The following ITGBL1 variants were observed in gnomAD, a reference collection of about 807,000 sequenced individuals.
The protein encoded by ITGBL1 is integrin subunit beta like 1, also known as integrin beta-like protein 1.
Under a neutral mutation model 68.5 loss-of-function variants are expected in ITGBL1, and 51 were observed. The observed-to-expected ratio is 0.74, with a 90% CI of 0.59 to 0.94. ITGBL1 has a LOEUF of 0.94. Ranked by LOEUF, ITGBL1 falls within the 40% of genes least tolerant of loss-of-function variation. The pLI is 0.00. For missense variants in ITGBL1, 649 were observed against 647.4 expected (o/e 1.00, Z -0.03); for synonymous variants, 209 against 227.3 (o/e 0.92, Z 0.72).
chr13:101,580,574 T>A (rs1026836851), intron 5 of ITGBL1, among the ~76,000 whole-genome samples: 9 of 152,188 alleles, frequency 5.9e-5, no homozygotes, highest in African/African-American at 2.2e-4. Flanking sequence ...TATCTCCTAA[T>A]GCTTCCCCTC....
chr13:101,508,620 T>G (rs2049063517), intron 2 of ITGBL1, among the ~76,000 whole-genome samples: 2 of 152,108 alleles, frequency 1.3e-5, no homozygotes, highest in Admixed American at 1.3e-4. Flanking sequence ...AATATTAAGT[T>G]TTATTATATT....
chr13:101,626,117 A>T (rs564173409), intron 7 of ITGBL1, among the ~76,000 whole-genome samples: 1 of 152,308 alleles, frequency 6.6e-6, no homozygotes, highest in Non-Finnish European at 1.5e-5. Context: ...TAACGGTATC[A>T]GCATCAAATT....
At chr13:101,530,173 G>A (rs185891034) in intron 2 of ITGBL1, among the ~76,000 whole-genome samples, 3 of 152,010 alleles carry the variant, frequency 2.0e-5, no homozygotes, top group Non-Finnish European at 2.9e-5. Context: ...ACTTTAGTAC[G>A]AAGACTAGAA....
rs1278931090 is a variant in ITGBL1, at chr13:101,677,592, ACC to A, written c.1016-14992_1016-14991del. ...TCAGACTCCAGAGCACAAACGACCA[ACC>A]TTTATGAAATATGAACTTCCTGGCT... On this transcript the variant is annotated intron_variant, in intron 7 of 10. Coordinates refer to ENST00000376180, the MANE Select transcript of ITGBL1 (RefSeq NM_004791.3). 1.2e-4 allele frequency among the ~76,000 whole-genome samples: 18 copies of A among 152,282 alleles called. No individual in the cohort carries two copies. The East Asian group carries it at 3.3e-3, about 28-fold the overall frequency.
At chr13:101,456,378 G>A (rs990063448) in intron 2 of ITGBL1, among the ~76,000 whole-genome samples, 10 of 152,174 alleles carry the variant, frequency 6.6e-5, no homozygotes, top group African/African-American at 2.2e-4. Flanking sequence ...TTGCGAGCCC[G>A]TCGATGTATT....
intron 2 of ITGBL1, among the ~76,000 whole-genome samples, chr13:101,564,997 G>A (rs1048621075): frequency 6.6e-6 from 1 of 151,936 alleles, no homozygotes; most frequent in Admixed American, 6.6e-5. Context: ...GCAACCACCA[G>A]CAACTGAGAG....
intron 2 of ITGBL1, among the ~76,000 whole-genome samples, chr13:101,544,120 A>G (rs1233294166): frequency 6.6e-6 from 1 of 151,982 alleles, no homozygotes; most frequent in Non-Finnish European, 1.5e-5. Flanking sequence ...TTGGAGGAGG[A>G]GAGGTGCTCT....
chr13:101,706,814 C>T lies in ITGBL1; in HGVS notation c.1191C>T (p.Leu397=), dbSNP rs780346501. Residue 397 remains leucine, a synonymous_variant, in exon 9 of 11, where the codon CTC becomes CTT. Transcript: ENST00000376180. ...CVCERGWFGK[L]CQHPRKCNMT... Reference sequence around the variant, plus strand: ...GTGAGAGAGGATGGTTTGGAAAGCTCTGCCAACATCCGCGGAAGTGTAACA... The same window carrying T: ...GTGAGAGAGGATGGTTTGGAAAGCTTTGCCAACATCCGCGGAAGTGTAACA... 1 of 1,614,178 alleles carries T rather than the reference C, an allele frequency of 6.2e-7. No individual in the cohort carries two copies. The highest frequency in any genetic ancestry group is 1.1e-5 in the South Asian group (1 of 91,080).
At chr13:101,617,985 A>G (rs2031433367) in intron 7 of ITGBL1, among the ~76,000 whole-genome samples, 1 of 152,134 alleles carries the variant, frequency 6.6e-6, no homozygotes, top group African/African-American at 2.4e-5. Flanking sequence ...CATGTACTTA[A>G]TCATTCACTC....
Position 101,605,335 on chromosome 13 carries a change from TATAC to T in ITGBL1, c.1015+7038_1015+7041del, listed in dbSNP as rs1346097372. Among the ~76,000 whole-genome samples, 69 of 150,892 alleles carry T rather than the reference TATAC, an allele frequency of 4.6e-4. 2 individuals are homozygous for T. Among genetic ancestry groups the T allele is most frequent in the Non-Finnish European group, 8.0e-4 (54 of 67,556 alleles). On this transcript the variant is annotated intron_variant, in intron 7 of 10. Transcript: ENST00000376180. ...GTATATATGCATATGCGTATATATA[TATAC>T]ACATATCTAGACATGTATGTGTGCA...
intron 10 of ITGBL1, chr13:101,715,211 C>T: frequency 5.0e-6 from 1 of 200,730 alleles, no homozygotes. Flanking sequence ...ACTTGGCCTG[C>T]CTCATGTTAT....
At chr13:101,464,739 T>C (rs1169794497) in intron 2 of ITGBL1, among the ~76,000 whole-genome samples, 3 of 152,138 alleles carry the variant, frequency 2.0e-5, no homozygotes, top group Non-Finnish European at 4.4e-5. Context: ...GCCATACATA[T>C]GTGAATATGT....
At chr13:101,613,958 G>A (rs2031244368) in intron 7 of ITGBL1, among the ~76,000 whole-genome samples, 1 of 149,644 alleles carries the variant, frequency 6.7e-6, no homozygotes, top group African/African-American at 2.5e-5. Flanking sequence ...GCTTTAGGGA[G>A]TGCTTAAAAG....
At chr13:101,719,353 C>T (rs990679523), downstream of ITGBL1, 9 of 152,086 alleles carry the variant, frequency 5.9e-5, no homozygotes, top group South Asian at 2.1e-4. Context: ...AGAACTGGAG[C>T]GGGAGTCCTT....
At chr13:101,579,556 A>ATGG in intron 5 of ITGBL1, 129 bp downstream of exon 5, 5 of 939,338 alleles carry the variant, frequency 5.3e-6, no homozygotes, top group South Asian at 2.0e-5. Context: ...TTTGATGTAA[A>ATGG]TCAACATTTA....
chr13:101,695,890 A>T, intron 8 of ITGBL1, among the ~76,000 whole-genome samples: 1 of 152,198 alleles, frequency 6.6e-6, no homozygotes, highest in Admixed American at 6.5e-5. Context: ...GATGAATTGA[A>T]CTATAAGCAG....
chr13:101,471,258 CT>C (rs2048452858), intron 2 of ITGBL1, among the ~76,000 whole-genome samples: 1 of 152,136 alleles, frequency 6.6e-6, no homozygotes, highest in Non-Finnish European at 1.5e-5. Context: ...TCTGTTTCCT[CT>C]TATCATAGTG....
intron 2 of ITGBL1, among the ~76,000 whole-genome samples, chr13:101,496,801 C>T (rs1007865845): frequency 6.6e-6 from 1 of 152,182 alleles, no homozygotes; most frequent in Admixed American, 6.5e-5. Context: ...CAATCCTCTC[C>T]CATGTCCTTA....
At position 101,709,182 on chromosome 13, in the gene ITGBL1, G is replaced by T. The variant is rs994047203; in HGVS notation, c.1279+2280G>T. ...AGATCGAGACCATCCTGGCTAACAA[G>T]GTGAAACCCCGTCTCTACTAAAAAT... On this transcript the variant is annotated intron_variant, in intron 9 of 10. Coordinates refer to ENST00000376180, the MANE Select transcript of ITGBL1 (RefSeq NM_004791.3). Among the ~76,000 whole-genome samples the T allele has an allele frequency of 5.5e-4, 83 of 151,214 alleles. 1 individual carries two copies. The highest frequency in any genetic ancestry group is 1.9e-3 in the African/African-American group (78 of 41,148).
Sources: gnomAD v4.1 joint callset for allele counts (sites outside exome capture counted in the v4.1 genomes callset) on GRCh38, gnomAD v4.1.1 for gene constraint, MANE v1.5 for transcripts, NCBI Gene and HGNC (gene_info 2026-07-23, HGNC 2026-07-21) for gene names.